The following DCP2 variants were observed in gnomAD, a reference collection of about 807,000 sequenced individuals.
DCP2 encodes the protein m7GpppN-mRNA hydrolase.
DCP2 carries 30 observed loss-of-function variants against 56.1 expected under a neutral mutation model. That is an observed-to-expected ratio of 0.53 (90% CI 0.40 to 0.73). The LOEUF (loss-of-function observed/expected upper bound fraction) is 0.73, where lower values mean the gene tolerates loss of function less well. DCP2 is among the 30% of genes least tolerant of loss of function. DCP2 has a pLI of 0.00. For missense variants in DCP2, 533 were observed against 502.7 expected, an observed-to-expected ratio of 1.06 and a Z score of -0.58; for synonymous variants, 197 against 163.3, an observed-to-expected ratio of 1.21 and a Z score of -1.57.
Position 112,984,720 on chromosome 5 carries a change from A to ATG in DCP2, c.54-1114_54-1113insGT, listed in dbSNP as rs1229872985. 8.6e-3 allele frequency: 1,145 copies of ATG among 132,558 alleles called. 37 individuals carry two copies. Among genetic ancestry groups the ATG allele is most frequent in the African/African-American group, 0.032 (1,056 of 33,222 alleles). 8.2% of individuals were successfully genotyped at this position (132,558 alleles called of 1,614,324 possible). On this transcript the variant is annotated intron_variant, in intron 1 of 10. Transcript: ENST00000389063. ...AAAAAAAAAATATATATATATATAT[A>ATG]TATATTTGAGACAGTGTCTCGTCAC...
At chr5:112,990,902 A>G (rs967426237) in intron 2 of DCP2, among the ~76,000 whole-genome samples, 1 of 152,094 alleles carries the variant, frequency 6.6e-6, no homozygotes, top group Non-Finnish European at 1.5e-5. Flanking sequence ...TTTAAACCAG[A>G]CTTTTCATCA....
chr5:112,990,359 T>G (rs557433639), intron 2 of DCP2, among the ~76,000 whole-genome samples: 1 of 152,326 alleles, frequency 6.6e-6, no homozygotes, highest in South Asian at 2.1e-4. Flanking sequence ...TTTTTTTTCC[T>G]TCAGTAAGCA....
At chr5:112,987,620 C>CTTTTTT (rs562254738) in intron 2 of DCP2, among the ~76,000 whole-genome samples, 5,405 of 69,310 alleles carry the variant, frequency 0.078, 463 homozygotes, top group Middle Eastern at 0.12. Context: ...ACCTAGGTGC[C>CTTTTTT]TTTTTTTTTT....
At position 113,021,129 on chromosome 5, in the gene DCP2, C is replaced by T. The variant is rs1444866034; in HGVS notation, c.*7645C>T. On this transcript the variant is annotated 3_prime_UTR_variant, in exon 11 of 11. Transcript: ENST00000389063. ...GGCGCGGTGCTCATACCTGTAATCC[C>T]AGCACTTTGGGAGGCTGAGTTGGGT... Among the ~76,000 whole-genome samples, 1 of 152,228 alleles carries T rather than the reference C, an allele frequency of 6.6e-6. No individual in the cohort carries two copies. The highest frequency in any genetic ancestry group is 2.1e-4 in the South Asian group (1 of 4,822).
intron 8 of DCP2, among the ~76,000 whole-genome samples, chr5:113,007,640 G>A (rs1335425032): frequency 2.6e-5 from 4 of 151,856 alleles, no homozygotes; most frequent in Admixed American, 2.0e-4. Context: ...CTCGTGATCC[G>A]CCCGCCTCAG....
At chr5:112,982,745 T>C (rs891355369) in intron 1 of DCP2, among the ~76,000 whole-genome samples, 1 of 152,252 alleles carries the variant, frequency 6.6e-6, no homozygotes, top group African/African-American at 2.4e-5. Flanking sequence ...AAATTTCTTT[T>C]AGGATAATAA....
intron 8 of DCP2, among the ~76,000 whole-genome samples, chr5:113,005,151 G>GGTGTGTGGGTGT (rs70973659): frequency 0.46 from 69,322 of 149,358 alleles, 17,353 homozygotes; most frequent in East Asian, 0.63. Context: ...TGTGCGTGTG[G>GGTGTGTGGGTGT]GTGTGTGTGT....
intron 4 of DCP2, among the ~76,000 whole-genome samples, chr5:112,998,491 T>C (rs915537999): frequency 2.0e-5 from 3 of 152,216 alleles, no homozygotes; most frequent in African/African-American, 7.2e-5. Flanking sequence ...ATTTTTTCTG[T>C]TGTAGACTGA....
intron 1 of DCP2, among the ~76,000 whole-genome samples, chr5:112,977,510 C>A (rs557059758): frequency 2.6e-5 from 4 of 152,208 alleles, no homozygotes; most frequent in Admixed American, 6.5e-5. Flanking sequence ...CCGTGGCGTT[C>A]TCTGTAAATT....
intron 4 of DCP2, among the ~76,000 whole-genome samples, chr5:112,996,979 A>G (rs1748887863): frequency 6.6e-6 from 1 of 152,236 alleles, no homozygotes; most frequent in Non-Finnish European, 1.5e-5. Flanking sequence ...GAGCTGAGGA[A>G]AGCAGAACCA....
Position 113,003,989 on chromosome 5 carries a change from C to T in DCP2, c.854C>T (p.Pro285Leu), listed in dbSNP as rs1749299771. Reference sequence around the variant, plus strand: ...CAGCAGTTATTTCCTGACGGTTCTCCTGGTGACCAGTGGGTAAAGCACAGG... The same window carrying T: ...CAGCAGTTATTTCCTGACGGTTCTCTTGGTGACCAGTGGGTAAAGCACAGG... ...HSQQLFPDGS[P>L]GDQWVKHRQP... Residue 285 changes from proline to leucine, a missense_variant, in exon 8 of 11, where the codon CCT becomes CTT. Pro to Leu is a moderately conservative substitution (Grantham distance 98). Transcript: ENST00000389063. The T allele has an allele frequency of 5.6e-6, 9 of 1,614,118 alleles. No homozygotes were observed. The highest frequency in any genetic ancestry group is 7.6e-6 in the Non-Finnish European group (9 of 1,179,994).
intron 3 of DCP2, 89 bp downstream of exon 3, chr5:112,992,337 A>G (rs1208670067): frequency 6.7e-7 from 1 of 1,485,098 alleles, no homozygotes; most frequent in Non-Finnish European, 9.0e-7. Context: ...TTCTAAATTG[A>G]GGTTTTAAAA....
In DCP2 at chr5:113,018,583, T is replaced by C. The variant is rs891249286; in HGVS notation, c.*5099T>C. ...CTAACCTTTAGTAGACTTCAGTCTT[T>C]TAGTCCAGTAGAAGACAATGGCCCT... On this transcript the variant is annotated 3_prime_UTR_variant, in exon 11 of 11. Transcript: ENST00000389063. The C allele has an allele frequency of 6.6e-6, 1 of 152,224 alleles. No homozygotes were observed. Among genetic ancestry groups the C allele is most frequent in the African/African-American group, 2.4e-5 (1 of 41,454 alleles). The allele number at this position is 152,224 out of a possible 1,614,324, so 9.4% of individuals were successfully genotyped here.
chr5:113,014,065 T>C lies in DCP2; in HGVS notation c.*581T>C, dbSNP rs1337092856. The C allele has an allele frequency of 1.3e-5, 2 of 152,302 alleles. No individual in the cohort carries two copies. Among genetic ancestry groups the C allele is most frequent in the Non-Finnish European group, 2.9e-5 (2 of 68,108 alleles). 9.4% of individuals were successfully genotyped at this position (152,302 alleles called of 1,614,324 possible). On this transcript the variant is annotated 3_prime_UTR_variant, in exon 11 of 11. Coordinates refer to ENST00000389063, the MANE Select transcript of DCP2 (RefSeq NM_152624.6). ...AGCAGCTTCTGGAATATAATGTGCA[T>C]GTCCAAAATGAACTCAGCGCTTCAA...
chr5:113,006,775 C>G (rs1749456751), intron 8 of DCP2, among the ~76,000 whole-genome samples: 1 of 152,098 alleles, frequency 6.6e-6, no homozygotes. Context: ...TATCTTAAAG[C>G]AATTTAATAG....
intron 4 of DCP2, among the ~76,000 whole-genome samples, chr5:112,998,359 TA>T (rs1285165007): frequency 2.6e-5 from 4 of 152,216 alleles, no homozygotes; most frequent in African/African-American, 9.6e-5. Flanking sequence ...AGCTCCAGTT[TA>T]TCCAGCAGAA....
At chr5:113,003,255 TACA>T (rs2150185328) in intron 7 of DCP2, among the ~76,000 whole-genome samples, 2 of 152,342 alleles carry the variant, frequency 1.3e-5, no homozygotes, top group African/African-American at 4.8e-5. Flanking sequence ...CCTGCATTAG[TACA>T]ACATTTTAAT....
At position 112,992,663 on chromosome 5, in the gene DCP2, G is replaced by A; in HGVS notation, c.334-9G>A. On this transcript the variant is annotated splice_polypyrimidine_tract_variant and intron_variant, in intron 3 of 10. Transcript: ENST00000389063. ...GCAAGTTTGATTTTTACTTCTGCTT[G>A]TTTTGTAGGTACTACTAGTTCAGGG... 1 of 1,560,330 alleles carries A rather than the reference G, an allele frequency of 6.4e-7. No homozygotes were observed. The highest frequency in any genetic ancestry group is 8.7e-7 in the Non-Finnish European group (1 of 1,154,540).
chr5:112,981,587 TCAG>T, intron 1 of DCP2, among the ~76,000 whole-genome samples: 1 of 152,338 alleles, frequency 6.6e-6, no homozygotes, highest in Non-Finnish European at 1.5e-5. Flanking sequence ...AGGCAAGTCT[TCAG>T]CGGCTAGTTT....
Sources: allele counts gnomAD v4.1 joint callset (sites outside exome capture counted in the v4.1 genomes callset), GRCh38; gene constraint gnomAD v4.1.1; transcripts MANE v1.5; gene names NCBI Gene and HGNC (gene_info 2026-07-23, HGNC 2026-07-21).